The following CMSS1 variants were observed in gnomAD, a reference collection of about 807,000 sequenced individuals.
CMSS1 encodes cms1 ribosomal small subunit homolog, also known as protein CMSS1.
A neutral mutation model predicts 43.5 loss-of-function variants in CMSS1; 33 were observed. That is an observed-to-expected ratio of 0.76 (90% CI 0.57 to 1.01). CMSS1 has a LOEUF of 1.01. Among genes scored for constraint, CMSS1 ranks in the 50% least tolerant of loss-of-function variants. The probability of loss-of-function intolerance (pLI) is 0.00; values close to 1 mark genes in which losing one functional copy is unlikely to be tolerated. For missense variants in CMSS1, 313 were observed against 326.4 expected (o/e 0.96, Z 0.32); for synonymous variants, 115 against 117.2 (o/e 0.98, Z 0.12).
At chr3:99,995,409 C>G (rs1014582959) in intron 1 of CMSS1, among the ~76,000 whole-genome samples, 2 of 152,182 alleles carry the variant, frequency 1.3e-5, no homozygotes, top group Admixed American at 1.3e-4. Context: ...TACAGCCTCC[C>G]TCCCAGCTGC....
chr3:99,837,620 G>A (rs1323160961), intron 1 of CMSS1, among the ~76,000 whole-genome samples: 1 of 152,134 alleles, frequency 6.6e-6, no homozygotes, highest in African/African-American at 2.4e-5. Flanking sequence ...ATGCTTCCTT[G>A]GTTTACAGTT....
intron 1 of CMSS1, among the ~76,000 whole-genome samples, chr3:99,832,523 C>G (rs1423763201): frequency 5.8e-5 from 8 of 137,338 alleles, no homozygotes; most frequent in Non-Finnish European, 7.8e-5. Context: ...AGCCACTGCG[C>G]CCAGCCATTC....
chr3:100,067,654 T>A (rs2065689678), intron 1 of CMSS1, among the ~76,000 whole-genome samples: 2 of 152,196 alleles, frequency 1.3e-5, no homozygotes, highest in Non-Finnish European at 2.9e-5. Context: ...GATGATTCAA[T>A]TTTCAGTAGT....
At chr3:100,062,072 T>C (rs1447175307) in intron 1 of CMSS1, among the ~76,000 whole-genome samples, 1 of 146,326 alleles carries the variant, frequency 6.8e-6, no homozygotes, top group Non-Finnish European at 1.5e-5. Context: ...AAATATCCAC[T>C]TGTGGTTATC....
chr3:100,030,379 CATT>C (rs970515525), intron 1 of CMSS1, among the ~76,000 whole-genome samples: 2 of 152,112 alleles, frequency 1.3e-5, no homozygotes, highest in Non-Finnish European at 2.9e-5. Flanking sequence ...AACTTGGACT[CATT>C]GTCCTCTAAG....
intron 1 of CMSS1, among the ~76,000 whole-genome samples, chr3:99,911,008 C>G (rs1257359998): frequency 6.6e-6 from 1 of 152,132 alleles, no homozygotes; most frequent in African/African-American, 2.4e-5. Context: ...CTGTTTCTTT[C>G]TCTTTTCCAG....
intron 1 of CMSS1, among the ~76,000 whole-genome samples, chr3:100,058,914 A>G (rs1441018937): frequency 6.6e-6 from 1 of 152,236 alleles, no homozygotes; most frequent in African/African-American, 2.4e-5. Context: ...CTTAACTTGC[A>G]TTTGAGAGCA....
At chr3:100,143,412 A>T (rs2066820266) in intron 1 of CMSS1, among the ~76,000 whole-genome samples, 1 of 152,166 alleles carries the variant, frequency 6.6e-6, no homozygotes, top group Non-Finnish European at 1.5e-5. Context: ...GTTTTTTTAC[A>T]TGCTGTTTAT....
At chr3:100,076,764 C>T (rs1438168827) in intron 1 of CMSS1, among the ~76,000 whole-genome samples, 2 of 152,192 alleles carry the variant, frequency 1.3e-5, no homozygotes, top group African/African-American at 2.4e-5. Flanking sequence ...ATTAATGTAA[C>T]GTCTTCTCAG....
chr3:100,037,894 C>G, intron 1 of CMSS1, among the ~76,000 whole-genome samples: 1 of 151,162 alleles, frequency 6.6e-6, no homozygotes, highest in East Asian at 1.9e-4. Context: ...TACAGCCACA[C>G]TAACTGGCTC....
chr3:99,915,059 T>C (rs1420657560), intron 1 of CMSS1, among the ~76,000 whole-genome samples: 1 of 152,204 alleles, frequency 6.6e-6, no homozygotes, highest in African/African-American at 2.4e-5. Flanking sequence ...TTTTTTTTCT[T>C]CTAGCTCCAT....
chr3:100,177,986 G>A (rs1176708018), intron 9 of CMSS1, among the ~76,000 whole-genome samples: 6 of 152,102 alleles, frequency 3.9e-5, no homozygotes, highest in African/African-American at 1.4e-4. Flanking sequence ...AGGTATCATG[G>A]CACACACCTC....
rs201883219 is a variant in CMSS1, at chr3:99,973,272, C to T, written c.64+155229C>T. Among the ~76,000 whole-genome samples the T allele has an allele frequency of 5.9e-5, 9 of 152,168 alleles. No homozygotes were observed. The East Asian group carries it at 1.7e-3, about 29-fold the overall frequency. On this transcript the variant is annotated intron_variant, in intron 1 of 9. Transcript: ENST00000421999. Reference sequence around the variant, plus strand: ...TTGTGATCTCATTAGTGGATGTTAACAAATTTTAAATATTCATTTGAGAAT... The same window carrying T: ...TTGTGATCTCATTAGTGGATGTTAATAAATTTTAAATATTCATTTGAGAAT...
intron 1 of CMSS1, among the ~76,000 whole-genome samples, chr3:100,115,583 C>G (rs6804607): frequency 7.7e-5 from 3 of 39,086 alleles, no homozygotes; most frequent in African/African-American, 1.3e-4. Context: ...CTGTCTCTCT[C>G]TCTCTCTCTC....
At chr3:99,825,408 A>C (rs945926933) in intron 1 of CMSS1, among the ~76,000 whole-genome samples, 6 of 152,230 alleles carry the variant, frequency 3.9e-5, no homozygotes, top group Admixed American at 2.0e-4. Context: ...GAAAGAAGAA[A>C]GAGGAGGGAG....
At chr3:99,939,104 A>G (rs1707781022) in intron 1 of CMSS1, among the ~76,000 whole-genome samples, 1 of 152,244 alleles carries the variant, frequency 6.6e-6, no homozygotes, top group Non-Finnish European at 1.5e-5. Flanking sequence ...TCATATTCCC[A>G]AGGATTCTAA....
At chr3:99,918,315 G>A (rs555591431) in intron 1 of CMSS1, among the ~76,000 whole-genome samples, 2 of 152,248 alleles carry the variant, frequency 1.3e-5, no homozygotes, top group East Asian at 3.9e-4. Flanking sequence ...TTTGAGGAAT[G>A]GAATTTGCCA....
Position 99,845,460 on chromosome 3 carries a change from A to G in CMSS1, c.64+27417A>G, listed in dbSNP as rs184907400. 4.6e-3 allele frequency among the ~76,000 whole-genome samples: 698 copies of G among 152,286 alleles called. 2 individuals are homozygous for G. The highest frequency in any genetic ancestry group is 7.1e-3 in the South Asian group (34 of 4,822). ...AACAGTCTATCTTCTGTGAGCCCTC[A>G]TGGACCAAAGAATACAACCCTCCAC... On this transcript the variant is annotated intron_variant, in intron 1 of 9. Transcript: ENST00000421999.
intron 1 of CMSS1, among the ~76,000 whole-genome samples, chr3:100,107,959 C>G (rs569438282): frequency 6.6e-6 from 1 of 150,972 alleles, no homozygotes; most frequent in South Asian, 2.1e-4. Flanking sequence ...TTTCTAACAT[C>G]GGTCAAGAAA....
Sources: allele counts gnomAD v4.1 joint callset (sites outside exome capture counted in the v4.1 genomes callset), GRCh38; gene constraint gnomAD v4.1.1; transcripts MANE v1.5; gene names NCBI Gene and HGNC (gene_info 2026-07-23, HGNC 2026-07-21).